The following RPS6KA5 variants were observed in gnomAD, a reference collection of about 807,000 sequenced individuals.
The protein encoded by RPS6KA5 is ribosomal protein S6 kinase A5.
In RPS6KA5, 27 loss-of-function variants were observed where a neutral mutation model predicts 85.5. The observed-to-expected ratio is 0.32, with a 90% confidence interval of 0.23 to 0.44. The LOEUF (loss-of-function observed/expected upper bound fraction) is 0.44. Ranked by LOEUF, RPS6KA5 falls within the 20% of genes least tolerant of loss-of-function variation. The pLI is 1.00. For missense variants in RPS6KA5, 811 were observed against 980.9 expected (o/e 0.83, Z 2.31); for synonymous variants, 334 against 348.2 (o/e 0.96, Z 0.46).
chr14:90,899,499 T>A, intron 11 of RPS6KA5, 77 bp from the exon 12 acceptor site: 1 of 956,652 alleles, frequency 1.0e-6, no homozygotes, highest in Non-Finnish European at 1.7e-6. Context: ...AGACTAATTT[T>A]GTCTTATTTA....
Position 90,864,949 on chromosome 14 carries a change from A to G in RPS6KA5, c.*7125T>C, listed in dbSNP as rs1185527175. On this transcript the variant is annotated 3_prime_UTR_variant, in exon 17 of 17. Coordinates refer to ENST00000614987, the MANE Select transcript of RPS6KA5 (RefSeq NM_004755.4). Reference sequence around the variant, plus strand: ...TGTGGAAGAACTAGAACACTTACACATTATTGGTGGGTATGTAAATTGGTA... The same window carrying G: ...TGTGGAAGAACTAGAACACTTACACGTTATTGGTGGGTATGTAAATTGGTA... 1 of 152,256 alleles carries G rather than the reference A, an allele frequency of 6.6e-6. No individual in the cohort carries two copies. Among genetic ancestry groups the G allele is most frequent in the Admixed American group, 6.5e-5 (1 of 15,286 alleles). 9.4% of individuals were successfully genotyped at this position (152,256 alleles called of 1,614,324 possible).
At chr14:90,915,822 TAAATA>T (rs1220707756) in intron 7 of RPS6KA5, among the ~76,000 whole-genome samples, 1 of 150,890 alleles carries the variant, frequency 6.6e-6, no homozygotes, top group Non-Finnish European at 1.5e-5. Flanking sequence ...AAAAAATAAA[TAAATA>T]AATAAAATAA....
chr14:91,034,570 A>C (rs1012217985), intron 1 of RPS6KA5, among the ~76,000 whole-genome samples: 1 of 152,188 alleles, frequency 6.6e-6, no homozygotes, highest in African/African-American at 2.4e-5. Context: ...AAAATGGACC[A>C]ATCGGTACTC....
intron 16 of RPS6KA5, among the ~76,000 whole-genome samples, chr14:90,872,699 C>T (rs2033200096): frequency 6.6e-6 from 1 of 152,148 alleles, no homozygotes. Context: ...AAATTCTGAA[C>T]ACAAAGTCCC....
At position 90,872,092 on chromosome 14, in the gene RPS6KA5, G is replaced by C; in HGVS notation, c.2391C>G (p.Phe797Leu). The C allele has an allele frequency of 5.0e-6, 8 of 1,613,208 alleles. No homozygotes were observed. Among genetic ancestry groups the C allele is most frequent in the Non-Finnish European group, 6.8e-6 (8 of 1,179,634 alleles). The stretch of plus-strand genomic sequence containing the variant: ...ACCATGCCTAAGCTACTGAGTCCGA[G>C]AACTGGAAGAGGGTCTCCGGGTTAT... ...DSNNPETLFQFSDSVA is the reference protein window; with the variant it reads ...DSNNPETLFQLSDSVA The change falls in exon 17 of 17, where the codon TTC becomes TTG. Residue 797 changes from phenylalanine to leucine, a missense_variant. This residue lies in a region of RPS6KA5 where 650 missense variants were observed against 793.4 expected (regional missense o/e 0.82). Coordinates refer to ENST00000614987, the MANE Select transcript of RPS6KA5 (RefSeq NM_004755.4).
At chr14:90,878,062 CTG>C (rs2033594680) in intron 14 of RPS6KA5, among the ~76,000 whole-genome samples, 1 of 152,202 alleles carries the variant, frequency 6.6e-6, no homozygotes, top group African/African-American at 2.4e-5. Context: ...TACACAGCCA[CTG>C]AACTGGTGTG....
At chr14:90,929,882 CTTTTT>C (rs1412819065) in intron 5 of RPS6KA5, among the ~76,000 whole-genome samples, 1 of 151,542 alleles carries the variant, frequency 6.6e-6, no homozygotes. Flanking sequence ...TTTTTCTTTT[CTTTTT>C]TGAGATAAAG....
Position 90,894,500 on chromosome 14 carries a change from C to T in RPS6KA5, c.1557G>A (p.Thr519=), listed in dbSNP as rs150175403. ...GCTTCCTCATGATGTAGCTGGCTTCCGTCTCACTGAAGTGCTTCTTTTTCT... is the reference window on the plus strand; with the variant it reads ...GCTTCCTCATGATGTAGCTGGCTTCTGTCTCACTGAAGTGCTTCTTTTTCT... ...RIKKKKHFSE[T]EASYIMRKLV... Residue 519 remains threonine, a synonymous_variant, in exon 13 of 17, where the codon ACG becomes ACA. Coordinates refer to ENST00000614987, the MANE Select transcript of RPS6KA5 (RefSeq NM_004755.4). The T allele has an allele frequency of 5.0e-5, 81 of 1,614,006 alleles. No homozygotes were observed. Among genetic ancestry groups the T allele is most frequent in the Non-Finnish European group, 4.6e-5 (54 of 1,180,028 alleles).
intron 3 of RPS6KA5, among the ~76,000 whole-genome samples, chr14:90,950,877 T>G (rs1264076813): frequency 6.6e-6 from 1 of 152,122 alleles, no homozygotes; most frequent in East Asian, 1.9e-4. Flanking sequence ...TCCCAGCACT[T>G]TGGGAGGCTG....
rs372913502 is a variant in RPS6KA5, at chr14:90,973,983, G to A, written c.394+4323C>T. On this transcript the variant is annotated intron_variant, in intron 3 of 16. Coordinates refer to ENST00000614987, the MANE Select transcript of RPS6KA5 (RefSeq NM_004755.4). ...AACCCAGGAGGTGGAGGCTGCAGTGGGCCAAGATTGCACCACTGCACTACA... is the reference window on the plus strand; with the variant it reads ...AACCCAGGAGGTGGAGGCTGCAGTGAGCCAAGATTGCACCACTGCACTACA... Among the ~76,000 whole-genome samples, 22 of 126,042 alleles carry A rather than the reference G, an allele frequency of 1.7e-4. No individual in the cohort carries two copies. The South Asian group carries it at 1.9e-3, about 11-fold the overall frequency. The allele number at this position is 126,042 out of a possible 152,430, so 82.7% of individuals were successfully genotyped here. A position where few individuals can be genotyped will look rare whatever the true frequency, so the allele number is the denominator to read the frequency against.
Position 90,870,061 on chromosome 14 carries a change from T to C in RPS6KA5, c.*2013A>G, listed in dbSNP as rs1388779524. 1 of 152,228 alleles carries C rather than the reference T, an allele frequency of 6.6e-6. No homozygotes were observed. Among genetic ancestry groups the C allele is most frequent in the East Asian group, 1.9e-4 (1 of 5,198 alleles). 9.4% of individuals were successfully genotyped at this position (152,228 alleles called of 1,614,324 possible). The stretch of plus-strand genomic sequence containing the variant: ...ATTCACAATGAAATCAATCACATCA[T>C]CAATCTGTATACTGTCTGACCATTT... On this transcript the variant is annotated 3_prime_UTR_variant, in exon 17 of 17. Transcript: ENST00000614987.
At chr14:91,017,733 T>C (rs1434087491) in intron 1 of RPS6KA5, among the ~76,000 whole-genome samples, 2 of 152,164 alleles carry the variant, frequency 1.3e-5, no homozygotes, top group Non-Finnish European at 2.9e-5. Context: ...ACTAGCAAAA[T>C]GTATGCTTCC....
chr14:90,894,277 G>A (rs1453440063), intron 13 of RPS6KA5, 136 bp downstream of exon 13: 37 of 1,275,622 alleles, frequency 2.9e-5, no homozygotes, highest in Middle Eastern at 4.8e-4. Flanking sequence ...TCAAAGAAAC[G>A]TATTTTCAAT....
chr14:90,975,754 A>G (rs896412489), intron 3 of RPS6KA5, among the ~76,000 whole-genome samples: 3 of 152,252 alleles, frequency 2.0e-5, no homozygotes, highest in African/African-American at 7.2e-5. Context: ...CTGCAAACAA[A>G]TAACTGAACC....
In RPS6KA5 at chr14:90,855,731, C is replaced by T. The variant is rs1459578720; in HGVS notation, c.*16343G>A. ...CACGCCATTCTTCTGCCTCAGCCTC[C>T]CGAGCAGCTGGGACTACAGTCATCC... On this transcript the variant is annotated 3_prime_UTR_variant, in exon 17 of 17. Coordinates refer to ENST00000614987, the MANE Select transcript of RPS6KA5 (RefSeq NM_004755.4). The T allele has an allele frequency of 2.0e-5, 3 of 152,468 alleles. No homozygotes were observed. The highest frequency in any genetic ancestry group is 1.3e-4 in the Admixed American group (2 of 15,278). 9.4% of individuals were successfully genotyped at this position (152,468 alleles called of 1,614,324 possible). A position where few individuals can be genotyped will look rare whatever the true frequency, so the allele number is the denominator to read the frequency against.
chr14:90,871,426 T>A lies in RPS6KA5; in HGVS notation c.*648A>T, dbSNP rs1266902175. ...CAGTGCAAAATTAAAAACATACACATAGCTTAGCATGCATCTCAGATGGAT... is the reference window on the plus strand; with the variant it reads ...CAGTGCAAAATTAAAAACATACACAAAGCTTAGCATGCATCTCAGATGGAT... On this transcript the variant is annotated 3_prime_UTR_variant, in exon 17 of 17. Transcript: ENST00000614987. 1 of 151,494 alleles carries A rather than the reference T, an allele frequency of 6.6e-6. No homozygotes were observed. Among genetic ancestry groups the A allele is most frequent in the South Asian group, 2.1e-4 (1 of 4,802 alleles). The allele number at this position is 151,494 out of a possible 1,614,324, so 9.4% of individuals were successfully genotyped here.
chr14:90,881,569 T>A (rs1475443876), intron 14 of RPS6KA5, among the ~76,000 whole-genome samples: 1 of 152,120 alleles, frequency 6.6e-6, no homozygotes, highest in African/African-American at 2.4e-5. Context: ...GGCACAATGT[T>A]GGCTCACTGC....
intron 1 of RPS6KA5, among the ~76,000 whole-genome samples, chr14:91,028,656 C>A (rs1324502041): frequency 6.6e-6 from 1 of 152,006 alleles, no homozygotes; most frequent in African/African-American, 2.4e-5. Context: ...GCAACTGGGA[C>A]TACAGGTGCC....
At chr14:90,952,117 G>A (rs994346913) in intron 3 of RPS6KA5, among the ~76,000 whole-genome samples, 24 of 152,128 alleles carry the variant, frequency 1.6e-4, no homozygotes, top group African/African-American at 4.8e-4. Flanking sequence ...TGCCACCGCC[G>A]CTCCTCTCCC....
Sources: gnomAD v4.1 joint callset for allele counts (sites outside exome capture counted in the v4.1 genomes callset) on GRCh38, gnomAD v4.1.1 for gene constraint, gnomAD v4.1.1 regional missense constraint, MANE v1.5 for transcripts, NCBI Gene and HGNC (gene_info 2026-07-23, HGNC 2026-07-21) for gene names.